The following FNDC3B variants were observed in gnomAD, a reference collection of about 807,000 sequenced individuals.
FNDC3B encodes fibronectin type III domain-containing protein 3B.
Under a neutral mutation model 151.5 loss-of-function variants are expected in FNDC3B, and 12 were observed. That is an observed-to-expected ratio of 0.08 (90% confidence interval 0.05 to 0.13). The LOEUF is 0.13. FNDC3B is among the 10% of genes least tolerant of loss of function. The pLI, the probability that FNDC3B is intolerant of heterozygous loss-of-function variation, is 1.00. For synonymous variants in FNDC3B, 528 were observed against 549.0 expected, an observed-to-expected ratio of 0.96 and a Z score of 0.54; for missense variants, 1,214 against 1,505.3, an observed-to-expected ratio of 0.81 and a Z score of 3.20.
At chr3:172,084,406 G>A (rs111317494) in intron 1 of FNDC3B, among the ~76,000 whole-genome samples, 1,504 of 129,734 alleles carry the variant, frequency 0.012, 25 homozygotes, top group African/African-American at 0.041. Flanking sequence ...AGCTGAGATG[G>A]TGCCACTGCA....
At chr3:172,196,768 C>T (rs987276568) in intron 3 of FNDC3B, among the ~76,000 whole-genome samples, 11 of 152,236 alleles carry the variant, frequency 7.2e-5, no homozygotes, top group South Asian at 2.1e-4. Context: ...TGGCACCTCA[C>T]GTTTCGCTTT....
At chr3:172,148,265 G>GA (rs898810503) in intron 3 of FNDC3B, among the ~76,000 whole-genome samples, 18 of 152,042 alleles carry the variant, frequency 1.2e-4, no homozygotes, top group Non-Finnish European at 1.8e-4. Context: ...TAAAAAATAT[G>GA]AAAAATATTC....
At chr3:172,350,942 GTACATT>G (rs1412820041) in intron 21 of FNDC3B, among the ~76,000 whole-genome samples, 8 of 152,190 alleles carry the variant, frequency 5.3e-5, no homozygotes, top group Non-Finnish European at 1.0e-4. Context: ...AAGTTTTAGA[GTACATT>G]CACTTTTGTA....
At chr3:172,164,439 T>C (rs1722913163) in intron 3 of FNDC3B, among the ~76,000 whole-genome samples, 1 of 152,172 alleles carries the variant, frequency 6.6e-6, no homozygotes, top group Non-Finnish European at 1.5e-5. Context: ...TATGTGTGTG[T>C]GCATGAGTGT....
At chr3:172,307,689 C>T (rs747811919) in intron 10 of FNDC3B, among the ~76,000 whole-genome samples, 188 bp downstream of exon 10, 33 of 152,054 alleles carry the variant, frequency 2.2e-4, no homozygotes, top group Non-Finnish European at 4.3e-4. Flanking sequence ...GAAAGAGTCT[C>T]GAGTTAATAT....
intron 7 of FNDC3B, among the ~76,000 whole-genome samples, chr3:172,291,053 G>A (rs1730301638): frequency 6.6e-6 from 1 of 152,098 alleles, no homozygotes; most frequent in African/African-American, 2.4e-5. Flanking sequence ...TCTGATCCAA[G>A]TACTATCATT....
rs189165367 is a variant in FNDC3B, at chr3:172,202,702, C to T, written c.188-24169C>T. ...ATCTGTTATTGAATGAGTAGATTCC[C>T]GTGTAGACCCTTCTGTTCTCAGGGC... On this transcript the variant is annotated intron_variant, in intron 3 of 25. Transcript: ENST00000415807. Among the ~76,000 whole-genome samples, 678 of 152,254 alleles carry T rather than the reference C, an allele frequency of 4.5e-3. 3 individuals are homozygous for T. Among genetic ancestry groups the T allele is most frequent in the African/African-American group, 0.015 (640 of 41,544 alleles).
In FNDC3B at chr3:172,341,235, G is replaced by A; in HGVS notation, c.1971+4G>A. 1.2e-6 allele frequency: 2 copies of A among 1,609,312 alleles called. No individual in the cohort carries two copies. Among genetic ancestry groups the A allele is most frequent in the South Asian group, 2.2e-5 (2 of 90,972 alleles). On this transcript the variant is annotated splice_donor_region_variant and intron_variant, in intron 17 of 25. Transcript: ENST00000415807. Reference sequence around the variant, plus strand: ...CAGTACCGGCGGACACAGCCAGGTTGGTTTTGTTTCCATATGAAAGTAAAC... The same window carrying A: ...CAGTACCGGCGGACACAGCCAGGTTAGTTTTGTTTCCATATGAAAGTAAAC...
At chr3:172,395,395 A>T (rs898845532) in intron 25 of FNDC3B, among the ~76,000 whole-genome samples, 5 of 152,192 alleles carry the variant, frequency 3.3e-5, no homozygotes, top group African/African-American at 1.2e-4. Context: ...GACTCTTGTT[A>T]GTTTCAGTCA....
intron 3 of FNDC3B, among the ~76,000 whole-genome samples, chr3:172,204,388 G>T (rs994414170): frequency 6.6e-6 from 1 of 152,130 alleles, no homozygotes. Flanking sequence ...AGGCTGCCTT[G>T]GCAAATAGAA....
intron 1 of FNDC3B, among the ~76,000 whole-genome samples, chr3:172,075,487 C>G (rs1717961368): frequency 6.6e-6 from 1 of 152,050 alleles, no homozygotes; most frequent in Non-Finnish European, 1.5e-5. Flanking sequence ...TACACGTCAA[C>G]AACAACAAAA....
chr3:172,331,954 A>G (rs991347942), intron 13 of FNDC3B, among the ~76,000 whole-genome samples: 13 of 152,072 alleles, frequency 8.5e-5, no homozygotes, highest in Non-Finnish European at 1.5e-4. Context: ...ATGTTGGCCT[A>G]TAGTATGGAG....
At chr3:172,304,774 G>C (rs1731109584) in intron 9 of FNDC3B, among the ~76,000 whole-genome samples, 2 of 152,168 alleles carry the variant, frequency 1.3e-5, no homozygotes, top group South Asian at 4.2e-4. Flanking sequence ...GCAAGTGCCT[G>C]TAATCCCAGC....
intron 1 of FNDC3B, among the ~76,000 whole-genome samples, chr3:172,096,116 G>A (rs889763681): frequency 2.6e-5 from 4 of 152,194 alleles, no homozygotes; most frequent in Non-Finnish European, 5.9e-5. Context: ...GATGCTCAGG[G>A]TTAATTAAGT....
At chr3:172,134,551 C>T (rs1364263940) in intron 3 of FNDC3B, among the ~76,000 whole-genome samples, 2 of 151,788 alleles carry the variant, frequency 1.3e-5, no homozygotes, top group Admixed American at 6.6e-5. Context: ...CCTTTAGTTT[C>T]GGTTTCCCAT....
chr3:172,301,714 T>A (rs1184786817), intron 9 of FNDC3B: 3 of 152,146 alleles, frequency 2.0e-5, no homozygotes, highest in Admixed American at 1.3e-4. Flanking sequence ...AAAAATTAGC[T>A]GGGTATGGTG....
At chr3:172,059,744 T>G (rs1374159010) in intron 1 of FNDC3B, among the ~76,000 whole-genome samples, 1 of 152,232 alleles carries the variant, frequency 6.6e-6, no homozygotes, top group African/African-American at 2.4e-5. Flanking sequence ...CCTGATAGAC[T>G]GTATAAACTT....
chr3:172,047,320 C>T (rs1305622347), intron 1 of FNDC3B, among the ~76,000 whole-genome samples: 1 of 152,072 alleles, frequency 6.6e-6, no homozygotes, highest in African/African-American at 2.4e-5. Context: ...AAAGAGGGGT[C>T]TCTATTAAAA....
intron 1 of FNDC3B, among the ~76,000 whole-genome samples, chr3:172,101,455 G>A (rs1004785410): frequency 1.3e-5 from 2 of 152,138 alleles, no homozygotes; most frequent in African/African-American, 4.8e-5. Context: ...CACAAAGTGG[G>A]TACACAGTAA....
Sources: gnomAD v4.1 joint callset for allele counts (sites outside exome capture counted in the v4.1 genomes callset) on GRCh38, gnomAD v4.1.1 for gene constraint, MANE v1.5 for transcripts, NCBI Gene and HGNC (gene_info 2026-07-23, HGNC 2026-07-21) for gene names.